The following NUP155 variants were observed in gnomAD, a reference collection of about 807,000 sequenced individuals.
NUP155 encodes nuclear pore complex protein Nup155.
A neutral mutation model predicts 180.4 loss-of-function variants in NUP155; 71 were observed. The ratio of observed to expected loss-of-function variants is 0.39; its 90% CI spans 0.33 to 0.48. The LOEUF (loss-of-function observed/expected upper bound fraction) is 0.48, where lower values mean the gene tolerates loss of function less well. Among genes scored for constraint, NUP155 ranks in the 20% least tolerant of loss-of-function variants. The pLI, the probability that NUP155 is intolerant of heterozygous loss-of-function variation, is 0.91. For missense variants in NUP155, 1,553 were observed against 1,648.9 expected (o/e 0.94, Z 1.01); for synonymous variants, 582 against 559.5 (o/e 1.04, Z -0.57).
At chr5:37,336,310 G>GC (rs997930269) in intron 12 of NUP155, among the ~76,000 whole-genome samples, 4 of 152,012 alleles carry the variant, frequency 2.6e-5, no homozygotes, top group African/African-American at 9.7e-5. Flanking sequence ...GTCAGACCCT[G>GC]TCGCTACAAA....
intron 3 of NUP155, among the ~76,000 whole-genome samples, chr5:37,359,022 A>AG (rs1747031452): frequency 6.6e-6 from 1 of 151,952 alleles, no homozygotes; most frequent in Non-Finnish European, 1.5e-5. Context: ...CTCAAAAAAA[A>AG]AAAAGACTGG....
chr5:37,305,149 C>A lies in NUP155; in HGVS notation c.2965G>T (p.Ala989Ser). 1 of 1,613,590 alleles carries A rather than the reference C, an allele frequency of 6.2e-7. No homozygotes were observed. The highest frequency in any genetic ancestry group is 1.1e-5 in the South Asian group (1 of 91,068). ...LQELVNQSKA[A>S]PQSPSVPKKP... ...TTGGGTACACTGGGAGACTGAGGAG[C>A]GGCCTTACTTTGATTTACCAGTTCT... The change falls in exon 26 of 35, where the codon GCT (alanine) becomes TCT (serine). Residue 989 changes from alanine to serine, a missense_variant. Ala to Ser is a moderately conservative substitution (Grantham distance 99, BLOSUM62 1). Coordinates refer to ENST00000231498, the MANE Select transcript of NUP155 (RefSeq NM_153485.3).
Position 37,288,771 on chromosome 5 carries a change from A to AG in NUP155, c.*3128dup, listed in dbSNP as rs1554123142. 5.2e-5 allele frequency: 3 copies of AG among 57,650 alleles called. No homozygotes were observed. The highest frequency in any genetic ancestry group is 1.7e-4 in the African/African-American group (3 of 17,780). The allele number at this position is 57,650 out of a possible 1,614,324, so 3.6% of individuals were successfully genotyped here. On this transcript the variant is annotated 3_prime_UTR_variant, in exon 35 of 35. Coordinates refer to ENST00000231498, the MANE Select transcript of NUP155 (RefSeq NM_153485.3). ...TTAAAAAAAAAAAAAAAAAAAAAGT[A>AG]GGGGGGGTGGGGCTAGGCGCAGTGG... is the stretch of plus-strand genomic sequence containing the variant.
At chr5:37,318,204 A>G (rs917651548) in intron 20 of NUP155, 119 bp from the exon 21 acceptor site, 11 of 723,640 alleles carry the variant, frequency 1.5e-5, no homozygotes, top group Non-Finnish European at 2.5e-5. Context: ...AAGGTTGGGC[A>G]ACCAACACCA....
rs1581142061 is a variant in NUP155 at position 37,309,272 on chromosome 5, A to T, written c.2629-5T>A. 1 of 819,604 alleles carries T rather than the reference A, an allele frequency of 1.2e-6. No homozygotes were observed. Among genetic ancestry groups the T allele is most frequent in the Non-Finnish European group, 1.7e-6 (1 of 592,314 alleles). 50.8% of individuals were successfully genotyped at this position (819,604 alleles called of 1,614,324 possible). ...ACGCTGGAGAAGCTCATTTGCCTAG[A>T]AGAGGAGATAACAAGAACTTAAAAA... On this transcript the variant is annotated splice_region_variant and splice_polypyrimidine_tract_variant and intron_variant, in intron 23 of 34. Coordinates refer to ENST00000231498, the MANE Select transcript of NUP155 (RefSeq NM_153485.3).
intron 16 of NUP155, among the ~76,000 whole-genome samples, chr5:37,328,845 G>A (rs73068424): frequency 0.025 from 3,860 of 152,202 alleles, 154 homozygotes; most frequent in African/African-American, 0.088. Flanking sequence ...CATTGTCCAC[G>A]ATATATGCAA....
intron 15 of NUP155, 146 bp from the exon 16 acceptor site, chr5:37,329,424 T>G: frequency 1.5e-6 from 1 of 673,424 alleles, no homozygotes; most frequent in South Asian, 1.7e-5. Flanking sequence ...GTAAAGTATA[T>G]GCATAAGACT....
intron 1 of NUP155, among the ~76,000 whole-genome samples, chr5:37,367,402 A>C (rs1389821252): frequency 6.6e-6 from 1 of 151,592 alleles, no homozygotes; most frequent in African/African-American, 2.4e-5. Context: ...TTTAGTAGAG[A>C]CAGGATTTCG....
chr5:37,325,244 T>C (rs1744512569), intron 19 of NUP155, among the ~76,000 whole-genome samples: 1 of 152,190 alleles, frequency 6.6e-6, no homozygotes, highest in South Asian at 2.1e-4. Flanking sequence ...TTTTCGTTCA[T>C]ATATATGTCA....
chr5:37,366,515 T>C (rs1747593493), intron 1 of NUP155, among the ~76,000 whole-genome samples: 2 of 152,218 alleles, frequency 1.3e-5, no homozygotes. Context: ...CTCAGCTCAC[T>C]GCAACCTCCA....
chr5:37,349,877 C>G (rs898634975), intron 7 of NUP155, among the ~76,000 whole-genome samples: 2 of 152,178 alleles, frequency 1.3e-5, no homozygotes, highest in African/African-American at 4.8e-5. Context: ...ATGTCTGTCT[C>G]TCTCACATAC....
At chr5:37,342,921 G>A (rs1002479574) in intron 9 of NUP155, among the ~76,000 whole-genome samples, 3 of 152,058 alleles carry the variant, frequency 2.0e-5, no homozygotes, top group Non-Finnish European at 2.9e-5. Context: ...GTTGTTAGTA[G>A]AGACAGGGTT....
chr5:37,347,891 C>T lies in NUP155; in HGVS notation c.995+614G>A, dbSNP rs1370975029. On this transcript the variant is annotated intron_variant, in intron 9 of 34. Coordinates refer to ENST00000231498, the MANE Select transcript of NUP155 (RefSeq NM_153485.3). ...GTGGCTCATGCCTGTAATCCCAGCACTTTGGGAGGTTGAGGCGGGCGGATC... is the reference window on the plus strand; with the variant it reads ...GTGGCTCATGCCTGTAATCCCAGCATTTTGGGAGGTTGAGGCGGGCGGATC... Among the ~76,000 whole-genome samples, 4 of 151,732 alleles carry T rather than the reference C, an allele frequency of 2.6e-5. No homozygotes were observed. The East Asian group carries it at 7.8e-4, about 29-fold the overall frequency.
At position 37,290,946 on chromosome 5, in the gene NUP155, C is replaced by T. The variant is rs1232151227; in HGVS notation, c.*954G>A. ...AGCACATACTTTGAGAACCACTGCT[C>T]TAATGGAATCAGTAGTCACAAGGCC... On this transcript the variant is annotated 3_prime_UTR_variant, in exon 35 of 35. Coordinates refer to ENST00000231498, the MANE Select transcript of NUP155 (RefSeq NM_153485.3). 1 of 152,124 alleles carries T rather than the reference C, an allele frequency of 6.6e-6. No homozygotes were observed. Among genetic ancestry groups the T allele is most frequent in the East Asian group, 1.9e-4 (1 of 5,188 alleles). 9.4% of individuals were successfully genotyped at this position (152,124 alleles called of 1,614,324 possible). A position where few individuals can be genotyped will look rare whatever the true frequency, so the allele number is the denominator to read the frequency against.
chr5:37,300,507 G>A (rs954077152), intron 30 of NUP155, among the ~76,000 whole-genome samples: 2 of 152,106 alleles, frequency 1.3e-5, no homozygotes, highest in Non-Finnish European at 2.9e-5. Flanking sequence ...AGTGTTTCAG[G>A]GTACCTGGAA....
chr5:37,343,439 A>C lies in NUP155; in HGVS notation c.996-793T>G, dbSNP rs372345254. ...CTTAGGAAAGTAATACAAGAGCAGC[A>C]AGAACTGGAAAAACTCTGGAATGTG... On this transcript the variant is annotated intron_variant, in intron 9 of 34. Coordinates refer to ENST00000231498, the MANE Select transcript of NUP155 (RefSeq NM_153485.3). 2.1e-4 allele frequency among the ~76,000 whole-genome samples: 32 copies of C among 152,230 alleles called. No homozygotes were observed. In the East Asian group the frequency reaches 6.2e-3, roughly 29 times the overall value.
intron 2 of NUP155, 37 bp from the exon 3 acceptor site, chr5:37,364,021 T>C (rs199634211): frequency 1.5e-5 from 22 of 1,441,646 alleles, no homozygotes; most frequent in Non-Finnish European, 2.2e-5. Context: ...CAGAGGTGAA[T>C]CTTATTCTTC....
intron 3 of NUP155, among the ~76,000 whole-genome samples, chr5:37,361,817 ATC>A (rs1747242924): frequency 6.6e-6 from 1 of 152,198 alleles, no homozygotes; most frequent in African/African-American, 2.4e-5. Flanking sequence ...TGGATCAAAT[ATC>A]TGTGTCCTCC....
At chr5:37,328,072 C>T (rs1203384779) in intron 17 of NUP155, among the ~76,000 whole-genome samples, 2 of 152,178 alleles carry the variant, frequency 1.3e-5, no homozygotes, top group Non-Finnish European at 2.9e-5. Flanking sequence ...CTTGCCAGTA[C>T]TGCTTGTAAT....
Sources: allele counts gnomAD v4.1 joint callset (sites outside exome capture counted in the v4.1 genomes callset), GRCh38; gene constraint gnomAD v4.1.1; transcripts MANE v1.5; gene names NCBI Gene and HGNC (gene_info 2026-07-23, HGNC 2026-07-21).